TEX264: variants seen among roughly 807,000 people sequenced by gnomAD.
TEX264 encodes the protein testis expressed 264, ER-phagy receptor, also known as testis-expressed protein 264.
A neutral mutation model predicts 23.4 loss-of-function variants in TEX264; 13 were observed. The observed-to-expected ratio is 0.56, with a 90% CI of 0.36 to 0.88. TEX264 has a LOEUF of 0.88. TEX264 is among the 40% of genes least tolerant of loss of function. The probability of loss-of-function intolerance (pLI) is 0.01; values close to 1 mark genes in which losing one functional copy is unlikely to be tolerated. For synonymous variants in TEX264, 159 were observed against 170.0 expected (o/e 0.94, Z 0.50); for missense variants, 340 against 406.8 (o/e 0.84, Z 1.41).
At position 51,686,724 on chromosome 3, in the gene TEX264, TAG is replaced by T. The variant is rs2106953839; in HGVS notation, c.480+2091_480+2092del. Among the ~76,000 whole-genome samples the T allele has an allele frequency of 6.6e-6, 1 of 152,166 alleles. No individual in the cohort carries two copies. The highest frequency in any genetic ancestry group is 1.9e-4 in the East Asian group (1 of 5,168). On this transcript the variant is annotated intron_variant, in intron 3 of 4. Coordinates refer to ENST00000341333, the MANE Select transcript of TEX264 (RefSeq NM_015926.6). The surrounding 1 kb of genome is among the most constrained non-coding windows in gnomAD (Gnocchi z 4.1). ...GGCAGGAAGGAAGATACCAGTGCCC[TAG>T]GCCTGCTTAGTGTGCTGCCTCTGGG... is the stretch of plus-strand genomic sequence containing the variant.
At position 51,686,697 on chromosome 3, in the gene TEX264, T is replaced by C. The variant is rs1702635034; in HGVS notation, c.480+2063T>C. On this transcript the variant is annotated intron_variant, in intron 3 of 4. Transcript: ENST00000341333. This position sits in a 1 kb window ranked among gnomAD's most constrained non-coding sequence, Gnocchi z 4.1. ...GGTGGGGGCGGGCTGGCTGGTGGTG[T>C]GGGCAGGAAGGAAGATACCAGTGCC... 6.6e-6 allele frequency among the ~76,000 whole-genome samples: 1 copy of C among 151,886 alleles called. No homozygotes were observed. Among genetic ancestry groups the C allele is most frequent in the South Asian group, 2.1e-4 (1 of 4,816 alleles).
intron 4 of TEX264, among the ~76,000 whole-genome samples, chr3:51,701,269 C>T (rs1176245947): frequency 6.6e-6 from 1 of 151,562 alleles, no homozygotes; most frequent in African/African-American, 2.4e-5. Flanking sequence ...GGGACCTCCT[C>T]CTGTGTAGAT....
At chr3:51,677,158 A>C (rs1190430143) in intron 2 of TEX264, among the ~76,000 whole-genome samples, 1 of 152,224 alleles carries the variant, frequency 6.6e-6, no homozygotes, top group Non-Finnish European at 1.5e-5. Context: ...AGGGAGAAAC[A>C]GATTCAGATA....
chr3:51,703,751 C>A lies in TEX264; in HGVS notation c.677C>A (p.Ser226Tyr). Residue 226 changes from serine to tyrosine, a missense_variant, in exon 5 of 5, where the codon TCT (serine) becomes TAT (tyrosine). By Grantham distance (144) the Ser-to-Tyr change is moderately radical (BLOSUM62 -2). Transcript: ENST00000341333. This position sits in a 1 kb window ranked among gnomAD's most constrained non-coding sequence, Gnocchi z 4.8. ...GCTGACACAATGAGTGACACGAGTT[C>A]TGTAAGCTTGGAAGTGAGCCCTGGC... ...TGADTMSDTS[S>Y]VSLEVSPGSR... 2 of 1,597,968 alleles carry A rather than the reference C, an allele frequency of 1.3e-6. No individual in the cohort carries two copies. The highest frequency in any genetic ancestry group is 1.7e-6 in the Non-Finnish European group (2 of 1,167,654).
chr3:51,693,679 C>G (rs1220373032), intron 3 of TEX264, among the ~76,000 whole-genome samples: 2 of 151,994 alleles, frequency 1.3e-5, no homozygotes. Context: ...GGGGTTTCAC[C>G]ATGTCAGCCA....
chr3:51,703,675 G>T lies in TEX264; in HGVS notation c.650-49G>T. On this transcript the variant is annotated intron_variant, in intron 4 of 4. Coordinates refer to ENST00000341333, the MANE Select transcript of TEX264 (RefSeq NM_015926.6). This position sits in a 1 kb window ranked among gnomAD's most constrained non-coding sequence, Gnocchi z 4.8. ...TGCTGAGTTGCCTCTCCCTGGAGGA[G>T]GGGGTGGGGTGGTCCTAGCTAACCT... is the stretch of plus-strand genomic sequence containing the variant. 1 of 1,526,986 alleles carries T rather than the reference G, an allele frequency of 6.5e-7. No homozygotes were observed. The highest frequency in any genetic ancestry group is 8.8e-7 in the Non-Finnish European group (1 of 1,130,612). The allele number at this position is 1,526,986 out of a possible 1,614,324, so 94.6% of individuals were successfully genotyped here. A position where few individuals can be genotyped will look rare whatever the true frequency, so the allele number is the denominator to read the frequency against.
chr3:51,698,817 T>C (rs1703168187), intron 3 of TEX264, among the ~76,000 whole-genome samples: 1 of 152,108 alleles, frequency 6.6e-6, no homozygotes, highest in Admixed American at 6.5e-5. Flanking sequence ...AGCAGGGGAA[T>C]GAATGGGAGT....
chr3:51,689,386 C>T (rs74367224), intron 3 of TEX264, among the ~76,000 whole-genome samples: 8 of 150,358 alleles, frequency 5.3e-5, no homozygotes, highest in African/African-American at 9.8e-5. Context: ...GCCAAGATCA[C>T]GCCATTGCAC....
intron 4 of TEX264, among the ~76,000 whole-genome samples, chr3:51,702,220 T>C (rs911883647): frequency 1.3e-5 from 2 of 152,260 alleles, no homozygotes; most frequent in South Asian, 2.1e-4. Flanking sequence ...CCTGGGGCAC[T>C]GATCATTATT....
At chr3:51,680,382 G>A (rs1034446432) in intron 2 of TEX264, among the ~76,000 whole-genome samples, 6 of 152,194 alleles carry the variant, frequency 3.9e-5, no homozygotes, top group African/African-American at 1.4e-4. Flanking sequence ...AATAGGGTCG[G>A]CAGGGCACTG....
intron 2 of TEX264, among the ~76,000 whole-genome samples, chr3:51,675,216 G>A (rs1702189144): frequency 6.6e-6 from 1 of 152,218 alleles, no homozygotes; most frequent in Non-Finnish European, 1.5e-5. Context: ...AGCATCACTA[G>A]CACCCTGTGA....
At chr3:51,683,735 G>A (rs900586323) in intron 2 of TEX264, 1 of 152,376 alleles carries the variant, frequency 6.6e-6, no homozygotes, top group Non-Finnish European at 1.5e-5. Context: ...TGTCCTGACA[G>A]GTGCTTCCTG....
chr3:51,703,960 C>T lies in TEX264; in HGVS notation c.886C>T (p.Leu296=), dbSNP rs745543327. The change falls in exon 5 of 5, where the codon CTG becomes TTG. Residue 296 remains leucine (L), a synonymous_variant. Coordinates refer to ENST00000341333, the MANE Select transcript of TEX264 (RefSeq NM_015926.6). The surrounding 1 kb of genome is among the most constrained non-coding windows in gnomAD (Gnocchi z 4.8). ...ESRLDPGTEP[L]GTTKWLWEPT... is the part of the protein sequence containing the mutation. ...ACGGCTGGACCCTGGGACTGAGCCCCTGGGGACTACCAAGTGGCTCTGGGA... is the reference window on the plus strand; with the variant it reads ...ACGGCTGGACCCTGGGACTGAGCCCTTGGGGACTACCAAGTGGCTCTGGGA... 7.6e-6 allele frequency: 12 copies of T among 1,574,574 alleles called. No homozygotes were observed. The highest frequency in any genetic ancestry group is 1.0e-5 in the Non-Finnish European group (12 of 1,155,480).
chr3:51,679,417 G>C (rs1188039662), intron 2 of TEX264, among the ~76,000 whole-genome samples: 2 of 152,158 alleles, frequency 1.3e-5, no homozygotes, highest in Non-Finnish European at 2.9e-5. Context: ...GGTTGTCTGG[G>C]CCATGTGAGG....
intron 3 of TEX264, among the ~76,000 whole-genome samples, chr3:51,690,760 T>G (rs902555282): frequency 1.3e-5 from 2 of 152,162 alleles, no homozygotes; most frequent in African/African-American, 4.8e-5. Flanking sequence ...TGTGTGTCAT[T>G]GTTCTGCGCA....
At chr3:51,675,173 A>G (rs1224156755) in intron 2 of TEX264, among the ~76,000 whole-genome samples, 1 of 152,152 alleles carries the variant, frequency 6.6e-6, no homozygotes, top group Non-Finnish European at 1.5e-5. Context: ...AGTTACTTAG[A>G]ATGTTCAGAA....
chr3:51,689,209 A>G (rs557284078), intron 3 of TEX264, among the ~76,000 whole-genome samples: 1 of 152,214 alleles, frequency 6.6e-6, no homozygotes, highest in Non-Finnish European at 1.5e-5. Context: ...AGATTACTCC[A>G]GCTCAGGAGT....
intron 1 of TEX264, chr3:51,671,810 CG>C (rs1429567117): frequency 1.3e-5 from 2 of 152,276 alleles, no homozygotes; most frequent in Non-Finnish European, 2.9e-5. Flanking sequence ...TAGCCCAGGA[CG>C]GGGGCCGTTT....
At chr3:51,694,517 C>T (rs1702982555) in intron 3 of TEX264, 1 of 152,382 alleles carries the variant, frequency 6.6e-6, no homozygotes, top group Non-Finnish European at 1.5e-5. Context: ...ACTAACTAGA[C>T]CCGACCTTGC....
Sources: gnomAD v4.1 joint callset for allele counts (sites outside exome capture counted in the v4.1 genomes callset) on GRCh38, gnomAD v4.1.1 for gene constraint, Gnocchi (gnomAD v3.1) non-coding constraint, MANE v1.5 for transcripts, NCBI Gene and HGNC (gene_info 2026-07-23, HGNC 2026-07-21) for gene names.